BATF2: variants seen among roughly 807,000 people sequenced by gnomAD.
BATF2 encodes basic leucine zipper ATF-like transcription factor 2.
In BATF2, 4 loss-of-function variants were observed where a neutral mutation model predicts 7.3. That is an observed-to-expected ratio of 0.55 (90% CI 0.27 to 1.26). The LOEUF is 1.26. Among genes scored for constraint, BATF2 ranks in the 50% most tolerant of loss-of-function variants. The pLI is 0.11. For synonymous variants in BATF2, 152 were observed against 153.9 expected (o/e 0.99, Z 0.09); for missense variants, 295 against 340.5 (o/e 0.87, Z 1.05).
chr11:64,989,278 G>C lies in BATF2; in HGVS notation c.676C>G (p.Pro226Ala), dbSNP rs151056191. The C allele has an allele frequency of 1.0e-5, 16 of 1,600,906 alleles. No individual in the cohort carries two copies. The Admixed American group carries it at 1.4e-4, about 14-fold the overall frequency. ...CGTGCAAGCCCCAGGGCAGAGGAAGGGTTGTCGGGAGAGGACCCCAGCTTC... is the reference window on the plus strand; with the variant it reads ...CGTGCAAGCCCCAGGGCAGAGGAAGCGTTGTCGGGAGAGGACCCCAGCTTC... ...RGKLGSSPDN[P>A]SSALGLARLQ... Residue 226 changes from proline (P) to alanine (A), a missense_variant, in exon 3 of 3, where the codon CCT (proline) becomes GCT (alanine). By Grantham distance (27) the Pro-to-Ala change is conservative (BLOSUM62 -1). Transcript: ENST00000301887. The surrounding 1 kb of genome is among the most constrained non-coding windows in gnomAD (Gnocchi z 4.3).
At chr11:64,990,993 T>C (rs184255844) in intron 2 of BATF2, among the ~76,000 whole-genome samples, 291 of 151,768 alleles carry the variant, frequency 1.9e-3, no homozygotes, top group Non-Finnish European at 3.4e-3. Flanking sequence ...GGTTTCACCA[T>C]GTTAGCCAGG....
In BATF2 at chr11:64,988,725, G is replaced by A; in HGVS notation, c.*404C>T. The stretch of plus-strand genomic sequence containing the variant: ...GAGAGCCCTTCTCTGCTCTGAGCAT[G>A]CAAACCTTCTCACACCAGCCCACGG... On this transcript the variant is annotated 3_prime_UTR_variant, in exon 3 of 3. Transcript: ENST00000301887. The A allele has an allele frequency of 4.1e-6, 1 of 246,376 alleles. No individual in the cohort carries two copies. The highest frequency in any genetic ancestry group is 8.1e-6 in the Non-Finnish European group (1 of 123,796). The allele number at this position is 246,376 out of a possible 1,614,324, so 15.3% of individuals were successfully genotyped here.
At chr11:64,990,405 T>C in intron 2 of BATF2, 1 of 1,391,180 alleles carries the variant, frequency 7.2e-7, no homozygotes, top group Non-Finnish European at 9.3e-7. Context: ...GCAACCTTGA[T>C]GTCATTCTGT....
At chr11:64,995,685 C>T (rs1245557943) in intron 1 of BATF2, among the ~76,000 whole-genome samples, 1 of 152,174 alleles carries the variant, frequency 6.6e-6, no homozygotes, top group Non-Finnish European at 1.5e-5. Context: ...ACAGCCCAGC[C>T]CCCGCCCCCA....
chr11:64,994,843 A>G (rs1366218954), intron 1 of BATF2, among the ~76,000 whole-genome samples: 1 of 151,718 alleles, frequency 6.6e-6, no homozygotes, highest in Non-Finnish European at 1.5e-5. Flanking sequence ...CAAACCCCAC[A>G]TTCTTTTTTC....
rs112176000 is a variant in BATF2 at position 64,994,492 on chromosome 11, G to A, written c.97C>T (p.Arg33Ter). ...TTGTCTGTGTGCTTCTGCCGGCTTC[G>A]CTGGGCGGCTGCCCGGTTCTTCTGC... Reference protein sequence around the residue: ...KKQKNRAAAQRSRQKHTDKAD... With the variant: ...KKQKNRAAAQ The change falls in exon 2 of 3, where the codon CGA becomes TGA. Residue 33 changes from arginine to a stop codon, truncating the protein, a stop_gained. Transcript: ENST00000301887. LOFTEE classifies it low-confidence loss of function (END_TRUNC). The A allele has an allele frequency of 8.1e-6, 13 of 1,602,714 alleles. No individual in the cohort carries two copies. Among genetic ancestry groups the A allele is most frequent in the East Asian group, 2.2e-5 (1 of 44,502 alleles).
At chr11:64,993,923 G>A (rs1946093418) in intron 2 of BATF2, among the ~76,000 whole-genome samples, 1 of 152,154 alleles carries the variant, frequency 6.6e-6, no homozygotes, top group Non-Finnish European at 1.5e-5. Context: ...AGTTTCCTGA[G>A]TAGCTGGGAC....
chr11:64,989,459 T>A lies in BATF2; in HGVS notation c.495A>T (p.Glu165Asp), dbSNP rs1185909791. Residue 165 changes from glutamate to aspartate, a missense_variant, in exon 3 of 3, where the codon GAA (glutamate) becomes GAT (aspartate). By Grantham distance (45) the Glu-to-Asp change is conservative. Coordinates refer to ENST00000301887, the MANE Select transcript of BATF2 (RefSeq NM_138456.4). The surrounding 1 kb of genome is among the most constrained non-coding windows in gnomAD (Gnocchi z 4.3). Reference protein sequence around the residue: ...SLSLGPAVVAEPPVQLSPSPL... With the variant: ...SLSLGPAVVADPPVQLSPSPL... ...GGCTGGGGGACAGCTGGACAGGAGG[T>A]TCAGCAACCACAGCGGGGCCAAGGG... 1 of 1,611,324 alleles carries A rather than the reference T, an allele frequency of 6.2e-7. No homozygotes were observed.
intron 2 of BATF2, among the ~76,000 whole-genome samples, chr11:64,994,096 C>T (rs1203257581): frequency 6.6e-6 from 1 of 152,212 alleles, no homozygotes; most frequent in Admixed American, 6.5e-5. Context: ...CAGTGCCCAG[C>T]CTGGAATCTG....
At chr11:64,993,561 G>A (rs758547181) in intron 2 of BATF2, among the ~76,000 whole-genome samples, 3 of 152,166 alleles carry the variant, frequency 2.0e-5, no homozygotes, top group Non-Finnish European at 4.4e-5. Context: ...AGAAATAAAT[G>A]TCTATTGTTT....
rs1255428907 is a variant in BATF2, at chr11:64,994,528, G to C, written c.61C>G (p.Gln21Glu). The change falls in exon 2 of 3, where the codon CAG becomes GAG. Residue 21 changes from glutamine (Q) to glutamate (E), a missense_variant. Coordinates refer to ENST00000301887, the MANE Select transcript of BATF2 (RefSeq NM_138456.4). Reference sequence around the variant, plus strand: ...GCCCGGTTCTTCTGCTTCTTCAGCTGCCTTTGTTGCTCCTTGGGGTCCTGT... The same window carrying C: ...GCCCGGTTCTTCTGCTTCTTCAGCTCCCTTTGTTGCTCCTTGGGGTCCTGT... Reference protein sequence around the residue: ...TQTDPKEQQRQLKKQKNRAAA... With the variant: ...TQTDPKEQQRELKKQKNRAAA... 6.2e-7 allele frequency: 1 copy of C among 1,602,668 alleles called. No homozygotes were observed. Among genetic ancestry groups the C allele is most frequent in the African/African-American group, 1.3e-5 (1 of 74,740 alleles).
rs1203323612 is a variant in BATF2 at position 64,988,810 on chromosome 11, G to A, written c.*319C>T. The A allele has an allele frequency of 5.3e-6, 2 of 375,586 alleles. No individual in the cohort carries two copies. Among genetic ancestry groups the A allele is most frequent in the African/African-American group, 2.1e-5 (1 of 48,306 alleles). The allele number at this position is 375,586 out of a possible 1,614,324, so 23.3% of individuals were successfully genotyped here. On this transcript the variant is annotated 3_prime_UTR_variant, in exon 3 of 3. Transcript: ENST00000301887. Reference sequence around the variant, plus strand: ...AGGACAGGAGAAGGAGGAGCAGAGGGTGGTGTTTCGGGCTCCAAGAAAGTC... The same window carrying A: ...AGGACAGGAGAAGGAGGAGCAGAGGATGGTGTTTCGGGCTCCAAGAAAGTC...
chr11:64,990,120 A>C (rs764776541), intron 2 of BATF2: 1 of 1,535,560 alleles, frequency 6.5e-7, no homozygotes, highest in Admixed American at 2.0e-5. Context: ...CAAACCACCT[A>C]TTCTCTTGCC....
chr11:64,991,389 T>C (rs949897264), intron 2 of BATF2, among the ~76,000 whole-genome samples: 13 of 152,018 alleles, frequency 8.6e-5, no homozygotes, highest in Non-Finnish European at 1.8e-4. Flanking sequence ...ACTCCTGACC[T>C]CGTGATCCGC....
chr11:64,989,435 G>A lies in BATF2; in HGVS notation c.519C>T (p.Ser173=). 4.4e-6 allele frequency: 7 copies of A among 1,607,902 alleles called. No homozygotes were observed. The highest frequency in any genetic ancestry group is 5.9e-6 in the Non-Finnish European group (7 of 1,176,628). Residue 173 remains serine (S), a synonymous_variant, in exon 3 of 3, where the codon AGC becomes AGT. Transcript: ENST00000301887. This position sits in a 1 kb window ranked among gnomAD's most constrained non-coding sequence, Gnocchi z 4.3. The part of the protein sequence containing the change: ...VAEPPVQLSP[S]PLLFASHTGS... ...CAGTGTGCGAGGCAAACAGGAGAGG[G>A]CTGGGGGACAGCTGGACAGGAGGTT...
rs1189718096 is a variant in BATF2, at chr11:64,988,204, G to C, written c.*925C>G. On this transcript the variant is annotated 3_prime_UTR_variant, in exon 3 of 3. Coordinates refer to ENST00000301887, the MANE Select transcript of BATF2 (RefSeq NM_138456.4). Reference sequence around the variant, plus strand: ...CTTCCTGCTGTCAGCCTAGTCCAAAGAGCAATGAGGGAACTGCTTAGGAGG... The same window carrying C: ...CTTCCTGCTGTCAGCCTAGTCCAAACAGCAATGAGGGAACTGCTTAGGAGG... 6.6e-6 allele frequency: 1 copy of C among 152,286 alleles called. No homozygotes were observed. The highest frequency in any genetic ancestry group is 2.4e-5 in the African/African-American group (1 of 41,450). The allele number at this position is 152,286 out of a possible 1,614,324, so 9.4% of individuals were successfully genotyped here. A position where few individuals can be genotyped will look rare whatever the true frequency, so the allele number is the denominator to read the frequency against.
At chr11:64,990,516 A>C (rs1335798674) in intron 2 of BATF2, 8 of 1,151,066 alleles carry the variant, frequency 7.0e-6, no homozygotes, top group Non-Finnish European at 8.6e-6. Context: ...TGACAGCATG[A>C]GTGTGTTCGA....
At position 64,996,950 on chromosome 11, in the gene BATF2, C is replaced by A; in HGVS notation, c.-36G>T. 1 of 1,553,566 alleles carries A rather than the reference C, an allele frequency of 6.4e-7. No homozygotes were observed. Among genetic ancestry groups the A allele is most frequent in the Non-Finnish European group, 8.7e-7 (1 of 1,148,230 alleles). On this transcript the variant is annotated 5_prime_UTR_variant, in exon 1 of 3. Coordinates refer to ENST00000301887, the MANE Select transcript of BATF2 (RefSeq NM_138456.4). The stretch of plus-strand genomic sequence containing the variant: ...GGGGAGCAGAGTGGTCCCTCAGCAG[C>A]TGTGACTTCCCAGTGCCCTCTGGAG...
intron 2 of BATF2, among the ~76,000 whole-genome samples, chr11:64,993,485 G>C (rs1485096159): frequency 6.6e-6 from 1 of 152,214 alleles, no homozygotes; most frequent in Non-Finnish European, 1.5e-5. Context: ...GTCAGGAAGA[G>C]CACCCTCATC....
Sources: gnomAD v4.1 joint callset for allele counts (sites outside exome capture counted in the v4.1 genomes callset) on GRCh38, gnomAD v4.1.1 for gene constraint, Gnocchi (gnomAD v3.1) non-coding constraint, MANE v1.5 for transcripts, NCBI Gene and HGNC (gene_info 2026-07-23, HGNC 2026-07-21) for gene names.